The following PAK5 variants were observed in gnomAD, a reference collection of about 807,000 sequenced individuals.
PAK5 encodes the protein p21 (RAC1) activated kinase 5.
A neutral mutation model predicts 65.9 loss-of-function variants in PAK5; 16 were observed. The observed-to-expected ratio is 0.24, with a 90% confidence interval of 0.16 to 0.37. PAK5 has a LOEUF of 0.37. Among genes scored for constraint, PAK5 ranks in the 10% least tolerant of loss-of-function variants. The pLI is 1.00. For missense variants in PAK5, 785 were observed against 903.9 expected (o/e 0.87, Z 1.69); for synonymous variants, 371 against 354.9 (o/e 1.05, Z -0.51).
intron 1 of PAK5, among the ~76,000 whole-genome samples, chr20:9,788,825 A>G: frequency 6.6e-6 from 1 of 152,158 alleles, no homozygotes; most frequent in East Asian, 1.9e-4. Context: ...AGAAGCAGAG[A>G]GACTAGTATT....
intron 3 of PAK5, among the ~76,000 whole-genome samples, chr20:9,582,101 A>G (rs1272283631): frequency 1.3e-5 from 2 of 152,332 alleles, no homozygotes; most frequent in East Asian, 3.9e-4. Context: ...GTTTTAGATT[A>G]ACAGAGAAGT....
At chr20:9,812,387 A>G (rs2049307923) in intron 1 of PAK5, among the ~76,000 whole-genome samples, 1 of 152,190 alleles carries the variant, frequency 6.6e-6, no homozygotes, top group African/African-American at 2.4e-5. Context: ...ATGATGTTCA[A>G]CATCATTAGT....
intron 3 of PAK5, among the ~76,000 whole-genome samples, chr20:9,602,600 T>C (rs2046381755): frequency 6.6e-6 from 1 of 152,252 alleles, no homozygotes; most frequent in African/African-American, 2.4e-5. Flanking sequence ...CTCATCATTT[T>C]GCACTGCAGG....
At chr20:9,774,519 C>T (rs1278596499) in intron 1 of PAK5, among the ~76,000 whole-genome samples, 1 of 152,100 alleles carries the variant, frequency 6.6e-6, no homozygotes. Context: ...TTATATTCTT[C>T]AGTATTGATC....
chr20:9,571,044 C>T (rs184932691), intron 4 of PAK5, among the ~76,000 whole-genome samples: 9 of 152,292 alleles, frequency 5.9e-5, no homozygotes, highest in Non-Finnish European at 1.2e-4. Context: ...TTGTCTTTCA[C>T]GGCTGCTGGT....
chr20:9,619,416 C>A (rs2046730323), intron 3 of PAK5, among the ~76,000 whole-genome samples: 2 of 152,136 alleles, frequency 1.3e-5, no homozygotes, highest in Admixed American at 6.5e-5. Context: ...ACTTGGCAAC[C>A]CTGGCCACAC....
At chr20:9,648,084 T>C (rs1429659368) in intron 2 of PAK5, among the ~76,000 whole-genome samples, 1 of 152,236 alleles carries the variant, frequency 6.6e-6, no homozygotes, top group Non-Finnish European at 1.5e-5. Context: ...ACATTCATGG[T>C]AGCCCTCTGT....
intron 2 of PAK5, among the ~76,000 whole-genome samples, chr20:9,659,238 T>C (rs529737526): frequency 7.2e-5 from 11 of 152,356 alleles, no homozygotes; most frequent in African/African-American, 2.4e-4. Context: ...CTGCTTTCTT[T>C]CCTTCAATCT....
chr20:9,808,039 G>A (rs928337547), intron 1 of PAK5, among the ~76,000 whole-genome samples: 2 of 151,990 alleles, frequency 1.3e-5, no homozygotes, highest in South Asian at 4.2e-4. Flanking sequence ...ACAGTAAAAC[G>A]GACAAAGAGA....
intron 1 of PAK5, among the ~76,000 whole-genome samples, chr20:9,737,041 T>C (rs1449561177): frequency 6.6e-6 from 1 of 151,958 alleles, no homozygotes; most frequent in Non-Finnish European, 1.5e-5. Context: ...TAGAGTTCTA[T>C]GTCCAACAAA....
chr20:9,702,287 A>C (rs1262258575), intron 2 of PAK5, among the ~76,000 whole-genome samples: 1 of 152,004 alleles, frequency 6.6e-6, no homozygotes, highest in African/African-American at 2.4e-5. Flanking sequence ...AATGTTTCTG[A>C]CTCCTAGAGA....
chr20:9,581,561 ATATTCT>A (rs2045980834), intron 3 of PAK5, among the ~76,000 whole-genome samples: 1 of 152,154 alleles, frequency 6.6e-6, no homozygotes, highest in African/African-American at 2.4e-5. Flanking sequence ...ATCAAATGTG[ATATTCT>A]TATTAAGTAT....
chr20:9,690,752 T>TTC (rs1453721594), intron 2 of PAK5, among the ~76,000 whole-genome samples: 29 of 71,270 alleles, frequency 4.1e-4, no homozygotes, highest in South Asian at 3.3e-3. Context: ...CTTTCTTTCT[T>TTC]TTTTTTTTTT....
chr20:9,785,522 G>C (rs368652135), intron 1 of PAK5, among the ~76,000 whole-genome samples: 1 of 152,106 alleles, frequency 6.6e-6, no homozygotes, highest in Non-Finnish European at 1.5e-5. Flanking sequence ...CCCTCTGAGC[G>C]TATCTCCTTG....
intron 1 of PAK5, among the ~76,000 whole-genome samples, chr20:9,771,560 A>G: frequency 6.9e-6 from 1 of 145,318 alleles, no homozygotes. Context: ...GGTGTGTGCC[A>G]CCACATTCAG....
intron 4 of PAK5, among the ~76,000 whole-genome samples, chr20:9,576,804 A>G (rs1364713367): frequency 6.6e-6 from 1 of 152,196 alleles, no homozygotes; most frequent in Non-Finnish European, 1.5e-5. Flanking sequence ...CCATTTCCTC[A>G]TCTGTACAAA....
At chr20:9,582,566 TAC>T (rs1041539331) in intron 3 of PAK5, among the ~76,000 whole-genome samples, 2 of 152,188 alleles carry the variant, frequency 1.3e-5, no homozygotes, top group African/African-American at 4.8e-5. Context: ...AGGTTTCTTA[TAC>T]ACACAGTCAC....
chr20:9,816,110 C>T (rs1247797529), intron 1 of PAK5, among the ~76,000 whole-genome samples: 1 of 152,142 alleles, frequency 6.6e-6, no homozygotes, highest in Non-Finnish European at 1.5e-5. Flanking sequence ...TGGAGAAAGA[C>T]TTGACTGGGT....
At chr20:9,765,234 G>T (rs2048744020) in intron 1 of PAK5, among the ~76,000 whole-genome samples, 1 of 152,064 alleles carries the variant, frequency 6.6e-6, no homozygotes, top group Admixed American at 6.6e-5. Flanking sequence ...GCTAGAATTT[G>T]GGGATTTTTT....
Sources: gnomAD v4.1 joint callset for allele counts (sites outside exome capture counted in the v4.1 genomes callset) on GRCh38, gnomAD v4.1.1 for gene constraint, MANE v1.5 for transcripts, NCBI Gene and HGNC (gene_info 2026-07-23, HGNC 2026-07-21) for gene names.